GRHL2: variants seen among roughly 807,000 people sequenced by gnomAD.
GRHL2 encodes grainyhead like transcription factor 2.
A neutral mutation model predicts 83.8 loss-of-function variants in GRHL2; 21 were observed. That is an observed-to-expected ratio of 0.25 (90% CI 0.18 to 0.36). The LOEUF (loss-of-function observed/expected upper bound fraction) is 0.36, where lower values mean the gene tolerates loss of function less well. GRHL2 is among the 10% of genes least tolerant of loss of function. The pLI, the probability that GRHL2 is intolerant of heterozygous loss-of-function variation, is 1.00. For missense variants in GRHL2, 623 were observed against 781.8 expected (o/e 0.80, Z 2.42); for synonymous variants, 280 against 278.9 (o/e 1.00, Z -0.04).
At chr8:101,648,690 G>A (rs1030999198) in intron 13 of GRHL2, among the ~76,000 whole-genome samples, 4 of 152,166 alleles carry the variant, frequency 2.6e-5, no homozygotes, top group Non-Finnish European at 5.9e-5. Context: ...GTCTCGGACA[G>A]TGCCCCGTCT....
intron 8 of GRHL2, among the ~76,000 whole-genome samples, chr8:101,618,278 TAATAA>T (rs1267636640): frequency 6.6e-6 from 1 of 152,198 alleles, no homozygotes; most frequent in East Asian, 1.9e-4. Flanking sequence ...CAATATTTTA[TAATAA>T]AATAATTATT....
chr8:101,492,979 A>C, intron 1 of GRHL2, 190 bp downstream of exon 1: 1 of 641,800 alleles, frequency 1.6e-6, no homozygotes, highest in Non-Finnish European at 2.8e-6. Flanking sequence ...CCCTACAACA[A>C]TGTGAATATT....
intron 8 of GRHL2, among the ~76,000 whole-genome samples, chr8:101,610,757 A>G (rs1167023787): frequency 6.6e-6 from 1 of 150,934 alleles, no homozygotes; most frequent in Non-Finnish European, 1.5e-5. Context: ...CTCTTGGCAG[A>G]TGTTTTTTTC....
Position 101,553,596 on chromosome 8 carries a change from A to G in GRHL2, c.284+814A>G, listed in dbSNP as rs529889073. 6.9e-4 allele frequency among the ~76,000 whole-genome samples: 103 copies of G among 149,894 alleles called. 1 individual carries two copies. Among genetic ancestry groups the G allele is most frequent in the African/African-American group, 2.5e-3 (100 of 40,702 alleles). On this transcript the variant is annotated intron_variant, in intron 3 of 15. Coordinates refer to ENST00000646743, the MANE Select transcript of GRHL2 (RefSeq NM_024915.4). ...CAGAAGGGACCGAATCACCCTGCTC[A>G]GCTACTTCTTTCAAACTCATCCACT...
At chr8:101,538,485 G>C (rs2130106581) in intron 1 of GRHL2, among the ~76,000 whole-genome samples, 1 of 152,256 alleles carries the variant, frequency 6.6e-6, no homozygotes, top group Non-Finnish European at 1.5e-5. Flanking sequence ...TGCTGTGATT[G>C]CTCTGGCGAT....
chr8:101,499,818 C>T (rs1254071017), intron 1 of GRHL2, among the ~76,000 whole-genome samples: 1 of 152,124 alleles, frequency 6.6e-6, no homozygotes, highest in Non-Finnish European at 1.5e-5. Context: ...TGGCTCATGC[C>T]TGTAATCCCA....
chr8:101,555,539 G>A lies in GRHL2; in HGVS notation c.284+2757G>A, dbSNP rs1811472846. Among the ~76,000 whole-genome samples, 2 of 152,080 alleles carry A rather than the reference G, an allele frequency of 1.3e-5. 1 individual carries two copies. Among genetic ancestry groups the A allele is most frequent in the South Asian group, 4.1e-4 (2 of 4,824 alleles). On this transcript the variant is annotated intron_variant, in intron 3 of 15. Transcript: ENST00000646743. ...ATTCCATGCAATGTTTAAACAATGA[G>A]GTTTAGGACATGGTAATGTAAATGG... is the stretch of plus-strand genomic sequence containing the variant.
At chr8:101,608,446 C>G (rs1008846959) in intron 8 of GRHL2, among the ~76,000 whole-genome samples, 5 of 152,152 alleles carry the variant, frequency 3.3e-5, no homozygotes, top group African/African-American at 1.2e-4. Context: ...AACAAACAAG[C>G]CAGGCAGAAT....
chr8:101,519,633 CAAGT>C (rs987773288), intron 1 of GRHL2, among the ~76,000 whole-genome samples: 2 of 149,496 alleles, frequency 1.3e-5, no homozygotes, highest in African/African-American at 5.0e-5. Flanking sequence ...TAAATCATCT[CAAGT>C]AAAGGTTTAA....
chr8:101,599,684 T>C (rs1812470686), intron 8 of GRHL2, among the ~76,000 whole-genome samples: 1 of 152,232 alleles, frequency 6.6e-6, no homozygotes. Flanking sequence ...CTAACCTTTT[T>C]CTGTTTTTTG....
chr8:101,600,228 C>A (rs1252739370), intron 8 of GRHL2, among the ~76,000 whole-genome samples: 8 of 152,208 alleles, frequency 5.3e-5, no homozygotes, highest in Non-Finnish European at 1.2e-4. Flanking sequence ...AGTGCCCGTA[C>A]AGCCTGGAGA....
At chr8:101,553,260 A>G (rs1427821654) in intron 3 of GRHL2, among the ~76,000 whole-genome samples, 1 of 152,236 alleles carries the variant, frequency 6.6e-6, no homozygotes, top group Non-Finnish European at 1.5e-5. Flanking sequence ...AAGGGGCAGG[A>G]CAGCTGCAGG....
chr8:101,624,626 C>G (rs1813045257), intron 9 of GRHL2, among the ~76,000 whole-genome samples: 9 of 117,992 alleles, frequency 7.6e-5, no homozygotes, highest in Admixed American at 6.0e-4. Flanking sequence ...GTTTACAGTA[C>G]ACAGTAGGAC....
the GRHL2 span, among the ~76,000 whole-genome samples, chr8:101,681,185 C>A: frequency 1.5e-5 from 2 of 137,052 alleles, no homozygotes; most frequent in Admixed American, 1.5e-4. Flanking sequence ...GCTAGCAAGA[C>A]TAATAAAGAA....
At chr8:101,675,244 A>G in the GRHL2 span, among the ~76,000 whole-genome samples, 3 of 152,148 alleles carry the variant, frequency 2.0e-5, no homozygotes, top group African/African-American at 7.2e-5. Context: ...AAGGCTATTC[A>G]ATTAGGAAAA....
At chr8:101,524,062 C>T (rs1357624813) in intron 1 of GRHL2, among the ~76,000 whole-genome samples, 2 of 152,144 alleles carry the variant, frequency 1.3e-5, no homozygotes, top group Non-Finnish European at 2.9e-5. Context: ...TAGTAGCTGC[C>T]AGGTTTCTGC....
chr8:101,633,663 A>T (rs1813230866), intron 11 of GRHL2, among the ~76,000 whole-genome samples: 1 of 152,208 alleles, frequency 6.6e-6, no homozygotes, highest in African/African-American at 2.4e-5. Context: ...CTTGTTGGAT[A>T]AGAACAAGGA....
At chr8:101,674,054 AG>A (rs1814251795), downstream of GRHL2, among the ~76,000 whole-genome samples, 1 of 152,158 alleles carries the variant, frequency 6.6e-6, no homozygotes, top group African/African-American at 2.4e-5. Flanking sequence ...ACACATTCAA[AG>A]CAGTGTGTAG....
chr8:101,600,914 T>A (rs1395083464), intron 8 of GRHL2, among the ~76,000 whole-genome samples: 3 of 152,132 alleles, frequency 2.0e-5, no homozygotes, highest in East Asian at 3.9e-4. Flanking sequence ...CCCCAGCACT[T>A]TGAGAGGCCA....
Sources: allele counts gnomAD v4.1 joint callset (sites outside exome capture counted in the v4.1 genomes callset), GRCh38; gene constraint gnomAD v4.1.1; transcripts MANE v1.5; gene names NCBI Gene and HGNC (gene_info 2026-07-23, HGNC 2026-07-21).